HYDIN: variants seen among roughly 807,000 people sequenced by gnomAD.
The protein encoded by HYDIN is axonemal central pair apparatus protein HYDIN.
A neutral mutation model predicts 403.9 loss-of-function variants in HYDIN; 132 were observed. The observed-to-expected ratio is 0.33, with a 90% CI of 0.28 to 0.38. The LOEUF (loss-of-function observed/expected upper bound fraction) is 0.38. Among genes scored for constraint, HYDIN ranks in the 10% least tolerant of loss-of-function variants. The pLI is 1.00. For synonymous variants in HYDIN, 1,202 were observed against 1,891.7 expected (o/e 0.64, Z 9.46); for missense variants, 2,827 against 5,009.5 (o/e 0.56, Z 13.15).
chr16:70,948,243 T>C (rs2077943278), intron 41 of HYDIN, among the ~76,000 whole-genome samples: 1 of 149,822 alleles, frequency 6.7e-6, no homozygotes, highest in Non-Finnish European at 1.5e-5. Flanking sequence ...CTGGGAAAAC[T>C]GGCTAGCCAT....
At chr16:70,909,700 T>A in intron 47 of HYDIN, among the ~76,000 whole-genome samples, 1 of 140,168 alleles carries the variant, frequency 7.1e-6, no homozygotes, top group Non-Finnish European at 1.5e-5. Flanking sequence ...TTTTTTTTTT[T>A]TTTTTTTTTT....
chr16:70,852,864 T>C (rs2038748029), intron 73 of HYDIN: 1 of 152,232 alleles, frequency 6.6e-6, no homozygotes, highest in South Asian at 2.1e-4. Flanking sequence ...CTTACACATC[T>C]ATCAGAAAAG....
At chr16:71,020,142 CA>C (rs754315677) in intron 22 of HYDIN, 31 bp downstream of exon 22, 1 of 1,609,808 alleles carries the variant, frequency 6.2e-7, no homozygotes, top group African/African-American at 1.3e-5. Flanking sequence ...CCACCCCAGA[CA>C]GCTTGCCAGA....
chr16:71,148,735 T>C (rs1299369039), intron 7 of HYDIN, among the ~76,000 whole-genome samples: 6 of 146,420 alleles, frequency 4.1e-5, no homozygotes, highest in Admixed American at 4.0e-4. Flanking sequence ...TCTGGAAGAC[T>C]TATATAAAGA....
At chr16:71,015,685 G>A (rs1368685529) in intron 23 of HYDIN, among the ~76,000 whole-genome samples, 3 of 150,296 alleles carry the variant, frequency 2.0e-5, no homozygotes, top group Non-Finnish European at 3.0e-5. Flanking sequence ...CATTCAGAGC[G>A]AGCCATCGTT....
intron 47 of HYDIN, among the ~76,000 whole-genome samples, chr16:70,916,134 T>G (rs1241562792): frequency 6.6e-6 from 1 of 152,120 alleles, no homozygotes; most frequent in Non-Finnish European, 1.5e-5. Flanking sequence ...ATGCTGGATT[T>G]GTGCCCTTCC....
At chr16:71,067,009 G>C in intron 15 of HYDIN, 1 of 661,356 alleles carries the variant, frequency 1.5e-6, no homozygotes, top group East Asian at 2.7e-5. Context: ...TACATACTTT[G>C]AAAGTCAAAC....
chr16:70,860,609 G>A (rs2039347709), intron 70 of HYDIN, 80 bp downstream of exon 70: 1 of 457,670 alleles, frequency 2.2e-6, no homozygotes, highest in South Asian at 2.4e-5. Flanking sequence ...ATAGGAATAG[G>A]TCTAGCTCAT....
In HYDIN at chr16:70,807,655, A is replaced by T. The variant is rs1209551264; in HGVS notation, c.15291T>A (p.Thr5097=). The T allele has an allele frequency of 1.2e-6, 2 of 1,614,038 alleles. No homozygotes were observed. The highest frequency in any genetic ancestry group is 1.7e-6 in the Non-Finnish European group (2 of 1,180,024). ...TCCCTTCACCAGGAGGGCAGCTCAC[A>T]GTCAGCTTGGTGGTGATGGGGGTTT... ...GSKTPITTKL[T]VSCPPGEGSE... Residue 5097 remains threonine (T), a synonymous_variant, in exon 86 of 86, where the codon ACT becomes ACA. Transcript: ENST00000393567.
At chr16:70,824,426 A>C (rs967849810) in intron 83 of HYDIN, among the ~76,000 whole-genome samples, 2 of 151,112 alleles carry the variant, frequency 1.3e-5, no homozygotes, top group African/African-American at 2.4e-5. Context: ...TTCAGGTCAT[A>C]TGAAATATTT....
intron 46 of HYDIN, among the ~76,000 whole-genome samples, chr16:70,919,855 AAAAAAAAAG>A (rs2076944896): frequency 9.1e-6 from 1 of 110,266 alleles, no homozygotes; most frequent in Non-Finnish European, 1.8e-5. Context: ...ATCTCAAAAA[AAAAAAAAAG>A]AAAAAAAGAA....
chr16:70,864,401 T>C (rs1377256881), intron 67 of HYDIN, among the ~76,000 whole-genome samples: 1 of 109,886 alleles, frequency 9.1e-6, no homozygotes, highest in Non-Finnish European at 1.8e-5. Flanking sequence ...GAGGCAGAGT[T>C]TTTTTCTGGA....
intron 10 of HYDIN, chr16:71,113,371 T>A (rs922015498): frequency 5.3e-5 from 8 of 151,480 alleles, no homozygotes; most frequent in Non-Finnish European, 1.0e-4. Context: ...ACTTATTTAT[T>A]GGCATTGGCA....
intron 1 of HYDIN, among the ~76,000 whole-genome samples, chr16:71,203,092 T>C (rs1409691532): frequency 6.6e-6 from 1 of 152,284 alleles, no homozygotes; most frequent in South Asian, 2.1e-4. Context: ...CATGGAGAAG[T>C]CCTTCTGTAG....
chr16:71,175,701 TA>T lies in HYDIN; in HGVS notation c.421del (p.Tyr141ThrfsTer4). 1 of 1,614,188 alleles carries T rather than the reference TA, an allele frequency of 6.2e-7. No individual in the cohort carries two copies. The highest frequency in any genetic ancestry group is 8.5e-7 in the Non-Finnish European group (1 of 1,180,006). ...ATCTTTGGGGCTGATTACTTTAAAGTAAGGCGAACTTTCTTCCACAACTTTC... is the reference window on the plus strand; with the variant it reads ...ATCTTTGGGGCTGATTACTTTAAAGTAGGCGAACTTTCTTCCACAACTTTC... ...LVKVVEESSP[Y>X]FKVISPKDIG... On this transcript the variant is annotated frameshift_variant, in exon 5 of 86. Transcript: ENST00000393567. LOFTEE classifies it high-confidence loss of function.
At chr16:71,046,326 T>C (rs1322487942) in intron 18 of HYDIN, among the ~76,000 whole-genome samples, 3 of 151,896 alleles carry the variant, frequency 2.0e-5, no homozygotes, top group Non-Finnish European at 4.4e-5. Flanking sequence ...ATCCTCACTT[T>C]TGATGGTACA....
At chr16:71,190,071 G>T in intron 1 of HYDIN, among the ~76,000 whole-genome samples, 1 of 151,808 alleles carries the variant, frequency 6.6e-6, no homozygotes, top group Non-Finnish European at 1.5e-5. Context: ...TAAATAATCT[G>T]CCCACTGAAA....
rs983605263 is a variant in HYDIN at position 70,863,015 on chromosome 16, C to G, written c.11569+70G>C. Reference sequence around the variant, plus strand: ...GAGACCCTCTGAGCAGTGCTGGCCTCTCCATGAACAAGGCTCTTCTAATTG... The same window carrying G: ...GAGACCCTCTGAGCAGTGCTGGCCTGTCCATGAACAAGGCTCTTCTAATTG... On this transcript the variant is annotated intron_variant, in intron 68 of 85. Coordinates refer to ENST00000393567, the MANE Select transcript of HYDIN (RefSeq NM_001270974.2). 6.3e-6 allele frequency: 8 copies of G among 1,271,436 alleles called. No individual in the cohort carries two copies. The African/African-American group carries it at 7.3e-5, about 12-fold the overall frequency. 78.8% of individuals were successfully genotyped at this position (1,271,436 alleles called of 1,614,324 possible).
intron 1 of HYDIN, among the ~76,000 whole-genome samples, chr16:71,214,573 C>A (rs1255250212): frequency 1.3e-5 from 2 of 152,180 alleles, no homozygotes; most frequent in Admixed American, 6.5e-5. Flanking sequence ...CATTATTTCA[C>A]TTTTTCTGTC....
Sources: gnomAD v4.1 joint callset for allele counts (sites outside exome capture counted in the v4.1 genomes callset) on GRCh38, gnomAD v4.1.1 for gene constraint, MANE v1.5 for transcripts, NCBI Gene and HGNC (gene_info 2026-07-23, HGNC 2026-07-21) for gene names.